Variants in FHIT observed in about 807,000 individuals in gnomAD.
The protein encoded by FHIT is bis(5'-adenosyl)-triphosphatase.
In FHIT, 19 loss-of-function variants were observed where a neutral mutation model predicts 17.9. The observed-to-expected ratio is 1.06, with a 90% CI of 0.74 to 1.56. FHIT has a LOEUF of 1.56. FHIT is among the 40% of genes most tolerant of loss of function. The probability of loss-of-function intolerance (pLI) is 0.00; values close to 1 mark genes in which losing one functional copy is unlikely to be tolerated. For missense variants in FHIT, 248 were observed against 189.2 expected (o/e 1.31, Z -1.82); for synonymous variants, 81 against 69.7 (o/e 1.16, Z -0.81).
At chr3:61,193,889 A>G (rs2038783558) in intron 2 of FHIT, among the ~76,000 whole-genome samples, 1 of 152,212 alleles carries the variant, frequency 6.6e-6, no homozygotes, top group Non-Finnish European at 1.5e-5. Context: ...GTATTTAATC[A>G]AAGTTTTATG....
chr3:60,350,757 T>C (rs1427554723), intron 5 of FHIT, among the ~76,000 whole-genome samples: 1 of 152,180 alleles, frequency 6.6e-6, no homozygotes, highest in African/African-American at 2.4e-5. Context: ...TCCAGCCCCC[T>C]GTATTCATGC....
chr3:60,339,202 G>T (rs1257370123), intron 5 of FHIT, among the ~76,000 whole-genome samples: 1 of 151,968 alleles, frequency 6.6e-6, no homozygotes, highest in African/African-American at 2.4e-5. Context: ...ATTTTCTTTG[G>T]ATGTCAATTT....
chr3:60,454,862 A>G (rs977696014), intron 5 of FHIT, among the ~76,000 whole-genome samples: 3 of 152,106 alleles, frequency 2.0e-5, no homozygotes, highest in African/African-American at 7.2e-5. Flanking sequence ...AAGATAAGGA[A>G]ACTGAGGCAC....
At chr3:60,687,739 C>A (rs1256683737) in intron 4 of FHIT, among the ~76,000 whole-genome samples, 3 of 152,076 alleles carry the variant, frequency 2.0e-5, no homozygotes, top group African/African-American at 7.2e-5. Flanking sequence ...CATGAAAGAT[C>A]AATAAAAGTG....
chr3:61,235,414 T>C (rs938781444), intron 1 of FHIT, among the ~76,000 whole-genome samples: 1 of 152,114 alleles, frequency 6.6e-6, no homozygotes, highest in Non-Finnish European at 1.5e-5. Context: ...TGCCTGGCCA[T>C]AGTAATCTAA....
chr3:60,032,824 G>A (rs189396170), intron 5 of FHIT, among the ~76,000 whole-genome samples: 6 of 152,182 alleles, frequency 3.9e-5, no homozygotes, highest in Admixed American at 3.9e-4. Flanking sequence ...AATGTGGCTA[G>A]AGCAAAGAAG....
chr3:61,190,675 C>A (rs187193533), intron 2 of FHIT, among the ~76,000 whole-genome samples: 7 of 152,198 alleles, frequency 4.6e-5, no homozygotes, highest in Non-Finnish European at 8.8e-5. Flanking sequence ...AGACTTGGAA[C>A]CGACCCAAAT....
At chr3:60,102,544 C>T (rs1196785588) in intron 5 of FHIT, among the ~76,000 whole-genome samples, 2 of 152,054 alleles carry the variant, frequency 1.3e-5, no homozygotes, top group African/African-American at 4.8e-5. Flanking sequence ...TCACAATCAC[C>T]ATCTCCCCAA....
At chr3:60,429,197 A>C (rs741753) in intron 5 of FHIT, among the ~76,000 whole-genome samples, 20,508 of 152,018 alleles carry the variant, frequency 0.13, 1,639 homozygotes, top group Admixed American at 0.26. Context: ...TTTATGAAAA[A>C]TAAACCAGGA....
At chr3:61,236,264 T>C (rs1382434997) in intron 1 of FHIT, among the ~76,000 whole-genome samples, 1 of 148,252 alleles carries the variant, frequency 6.7e-6, no homozygotes, top group African/African-American at 2.5e-5. Flanking sequence ...TATATTATTG[T>C]TATATAATAT....
At chr3:60,662,806 T>C (rs1311574062) in intron 4 of FHIT, among the ~76,000 whole-genome samples, 1 of 152,040 alleles carries the variant, frequency 6.6e-6, no homozygotes. Context: ...TATAAGAACA[T>C]TTTGCCTTGC....
intron 5 of FHIT, among the ~76,000 whole-genome samples, chr3:60,130,438 A>T (rs1271090453): frequency 1.3e-5 from 2 of 152,144 alleles, no homozygotes; most frequent in Non-Finnish European, 2.9e-5. Flanking sequence ...TATGTCACTG[A>T]GAAAACTGAG....
chr3:59,948,935 G>C (rs1239469375), intron 7 of FHIT, among the ~76,000 whole-genome samples: 1 of 151,956 alleles, frequency 6.6e-6, no homozygotes, highest in African/African-American at 2.4e-5. Context: ...TGTTACCTGA[G>C]TAAAGGTAAC....
At chr3:60,411,286 C>T (rs1244892160) in intron 5 of FHIT, among the ~76,000 whole-genome samples, 1 of 152,106 alleles carries the variant, frequency 6.6e-6, no homozygotes, top group Non-Finnish European at 1.5e-5. Flanking sequence ...AGAAGAAACA[C>T]TCTTCTTATT....
At chr3:59,838,441 C>T (rs1345491066) in intron 8 of FHIT, among the ~76,000 whole-genome samples, 2 of 152,186 alleles carry the variant, frequency 1.3e-5, no homozygotes, top group Non-Finnish European at 2.9e-5. Context: ...CTGTTCTTCC[C>T]ACTTGGAATG....
chr3:60,058,054 C>G (rs1434308421), intron 5 of FHIT, among the ~76,000 whole-genome samples: 1 of 147,736 alleles, frequency 6.8e-6, no homozygotes, highest in African/African-American at 2.5e-5. Context: ...AAGTAGAACA[C>G]AGATTACCAG....
chr3:60,695,979 C>A (rs1322198029), intron 4 of FHIT, among the ~76,000 whole-genome samples: 3 of 152,046 alleles, frequency 2.0e-5, no homozygotes, highest in African/African-American at 7.2e-5. Flanking sequence ...GGGCTTTGTA[C>A]GGAGGAATGG....
intron 7 of FHIT, among the ~76,000 whole-genome samples, chr3:59,944,398 C>T (rs1454349905): frequency 6.6e-6 from 1 of 152,182 alleles, no homozygotes; most frequent in East Asian, 1.9e-4. Context: ...TCCTTCTCCT[C>T]CATCCATTAC....
At chr3:60,470,956 C>T (rs1484400267) in intron 5 of FHIT, among the ~76,000 whole-genome samples, 2 of 152,152 alleles carry the variant, frequency 1.3e-5, no homozygotes, top group Non-Finnish European at 2.9e-5. Flanking sequence ...GAGTCCCTCC[C>T]TTCATTCAAG....
Sources: allele counts gnomAD v4.1 joint callset (sites outside exome capture counted in the v4.1 genomes callset), GRCh38; gene constraint gnomAD v4.1.1; transcripts MANE v1.5; gene names NCBI Gene and HGNC (gene_info 2026-07-23, HGNC 2026-07-21).